DTD1: variants seen among roughly 807,000 people sequenced by gnomAD.
DTD1 encodes D-aminoacyl-tRNA deacylase 1, also known as D-tyrosyl-tRNA deacylase 1 homolog.
DTD1 carries 13 observed loss-of-function variants against 25.6 expected under a neutral mutation model. The ratio of observed to expected loss-of-function variants is 0.51; its 90% CI spans 0.33 to 0.81. The LOEUF (loss-of-function observed/expected upper bound fraction) is 0.81. Ranked by LOEUF, DTD1 falls within the 30% of genes least tolerant of loss-of-function variation. The pLI is 0.02. For missense variants in DTD1, 193 were observed against 266.4 expected (o/e 0.72, Z 1.92); for synonymous variants, 110 against 103.6 (o/e 1.06, Z -0.37).
intron 5 of DTD1, among the ~76,000 whole-genome samples, chr20:18,761,412 A>G (rs958235255): frequency 1.6e-4 from 24 of 152,266 alleles, no homozygotes; most frequent in Admixed American, 1.4e-3. Context: ...TACTTTTTCT[A>G]AACAGGTAAT....
At chr20:18,684,879 C>T (rs1423518722) in intron 4 of DTD1, among the ~76,000 whole-genome samples, 7 of 151,870 alleles carry the variant, frequency 4.6e-5, no homozygotes, top group Admixed American at 4.6e-4. Context: ...GAGGGCTCAG[C>T]CCCACTAAGG....
chr20:18,644,595 G>T (rs2060843763), intron 4 of DTD1, among the ~76,000 whole-genome samples: 2 of 152,162 alleles, frequency 1.3e-5, no homozygotes, highest in Non-Finnish European at 2.9e-5. Flanking sequence ...AATGAAACAG[G>T]AGGAGGAATC....
chr20:18,648,777 A>G (rs1485710384), intron 4 of DTD1, among the ~76,000 whole-genome samples: 1 of 152,026 alleles, frequency 6.6e-6, no homozygotes, highest in Non-Finnish European at 1.5e-5. Flanking sequence ...TGGGCGGATC[A>G]CGAGGTCAGG....
chr20:18,641,372 G>A (rs1419898947), intron 4 of DTD1, among the ~76,000 whole-genome samples: 1 of 152,174 alleles, frequency 6.6e-6, no homozygotes, highest in Non-Finnish European at 1.5e-5. Context: ...TACAGGTTGT[G>A]GATCATATGG....
intron 5 of DTD1, among the ~76,000 whole-genome samples, chr20:18,761,786 A>G (rs2061364037): frequency 6.6e-6 from 1 of 152,244 alleles, no homozygotes; most frequent in African/African-American, 2.4e-5. Flanking sequence ...TATTGAAGGT[A>G]GGGAAACAAG....
intron 4 of DTD1, among the ~76,000 whole-genome samples, chr20:18,694,442 G>A (rs896596199): frequency 1.6e-4 from 25 of 152,158 alleles, no homozygotes; most frequent in African/African-American, 5.6e-4. Context: ...TTAGTGAGGC[G>A]TTTAGAACGT....
At chr20:18,718,687 TTATACA>T (rs932151357) in intron 4 of DTD1, among the ~76,000 whole-genome samples, 7 of 152,220 alleles carry the variant, frequency 4.6e-5, no homozygotes, top group African/African-American at 1.4e-4. Flanking sequence ...TAATATAATG[TTATACA>T]TATACATGCA....
At chr20:18,645,167 G>C (rs549120012) in intron 4 of DTD1, among the ~76,000 whole-genome samples, 1 of 152,060 alleles carries the variant, frequency 6.6e-6, no homozygotes, top group Non-Finnish European at 1.5e-5. Flanking sequence ...ACCGATCAAT[G>C]AATCAATCAA....
rs2061020543 is a variant in DTD1 at position 18,687,211 on chromosome 20, A to AG, written c.478-56887dup. On this transcript the variant is annotated intron_variant, in intron 4 of 5. Coordinates refer to ENST00000377452, the MANE Select transcript of DTD1 (RefSeq NM_080820.6). ...GCAGAGGTCTAAGGAAGGACATCCTAGGTAGAGGGAACTTCCAGGTTGGGT... is the reference window on the plus strand; with the variant it reads ...GCAGAGGTCTAAGGAAGGACATCCTAGGGTAGAGGGAACTTCCAGGTTGGGT... Among the ~76,000 whole-genome samples, 3 of 152,280 alleles carry AG rather than the reference A, an allele frequency of 2.0e-5. No homozygotes were observed. The South Asian group carries it at 6.2e-4, about 32-fold the overall frequency.
intron 4 of DTD1, among the ~76,000 whole-genome samples, chr20:18,733,981 AT>A (rs1338500719): frequency 6.6e-6 from 1 of 152,236 alleles, no homozygotes; most frequent in Non-Finnish European, 1.5e-5. Flanking sequence ...ACACAAGGAC[AT>A]TTTTTTAAAA....
At chr20:18,695,284 A>C (rs1481486043) in intron 4 of DTD1, among the ~76,000 whole-genome samples, 2 of 151,756 alleles carry the variant, frequency 1.3e-5, no homozygotes, top group African/African-American at 4.8e-5. Flanking sequence ...TCTCTCGTTC[A>C]GGTGCACATC....
intron 4 of DTD1, among the ~76,000 whole-genome samples, chr20:18,715,319 T>C (rs1397984235): frequency 6.6e-6 from 1 of 152,180 alleles, no homozygotes; most frequent in Admixed American, 6.5e-5. Flanking sequence ...GATGGTGTGC[T>C]CCAGGCTGAG....
chr20:18,667,894 T>C (rs770676720), intron 4 of DTD1, among the ~76,000 whole-genome samples: 10 of 152,186 alleles, frequency 6.6e-5, no homozygotes, highest in Non-Finnish European at 1.3e-4. Context: ...GTCAGATGCA[T>C]AGGGAGTATC....
chr20:18,592,868 A>C (rs1185671885), intron 1 of DTD1, among the ~76,000 whole-genome samples: 1 of 151,548 alleles, frequency 6.6e-6, no homozygotes, highest in African/African-American at 2.4e-5. Context: ...TTTTTATTAG[A>C]GATGGGATTT....
rs2060880796 is a variant in DTD1 at position 18,653,384 on chromosome 20, ACT to A, written c.477+25154_477+25155del. On this transcript the variant is annotated intron_variant, in intron 4 of 5. Coordinates refer to ENST00000377452, the MANE Select transcript of DTD1 (RefSeq NM_080820.6). The stretch of plus-strand genomic sequence containing the variant: ...ACTCCAGCCTGGGTGACAGAGTGAG[ACT>A]CTGTCTCAAGACAAACAAACAGACT... Among the ~76,000 whole-genome samples, 3 of 152,184 alleles carry A rather than the reference ACT, an allele frequency of 2.0e-5. No homozygotes were observed. The South Asian group carries it at 6.2e-4, about 32-fold the overall frequency.
chr20:18,722,278 C>A (rs1003555709), intron 4 of DTD1, among the ~76,000 whole-genome samples: 1 of 152,220 alleles, frequency 6.6e-6, no homozygotes, highest in Non-Finnish European at 1.5e-5. Flanking sequence ...GCCCATCTGG[C>A]GGTACCAGGC....
At chr20:18,695,498 T>C (rs112507697) in intron 4 of DTD1, among the ~76,000 whole-genome samples, 5 of 730 alleles carry the variant, frequency 6.8e-3, no homozygotes, top group African/African-American at 0.011. Context: ...TCCTTTCCTT[T>C]CCCTTCCCTT....
At chr20:18,670,676 G>A (rs2060948666) in intron 4 of DTD1, among the ~76,000 whole-genome samples, 1 of 152,176 alleles carries the variant, frequency 6.6e-6, no homozygotes, top group Admixed American at 6.5e-5. Flanking sequence ...TTGTGTCACT[G>A]GAATGAGAAC....
intron 4 of DTD1, among the ~76,000 whole-genome samples, chr20:18,666,663 A>G (rs2060932450): frequency 6.6e-6 from 1 of 152,040 alleles, no homozygotes; most frequent in African/African-American, 2.4e-5. Context: ...GTTTGATTTC[A>G]CTATCTTCTT....
Sources: gnomAD v4.1 joint callset for allele counts (sites outside exome capture counted in the v4.1 genomes callset) on GRCh38, gnomAD v4.1.1 for gene constraint, MANE v1.5 for transcripts, NCBI Gene and HGNC (gene_info 2026-07-23, HGNC 2026-07-21) for gene names.